Variants in MRPS18B observed in about 807,000 individuals in gnomAD.
The protein encoded by MRPS18B is small ribosomal subunit protein mS40.
A neutral mutation model predicts 28.4 loss-of-function variants in MRPS18B; 27 were observed. The observed-to-expected ratio is 0.95, with a 90% confidence interval of 0.70 to 1.31. MRPS18B has a LOEUF of 1.31. MRPS18B is among the 40% of genes most tolerant of loss of function. The pLI is 0.00. For missense variants in MRPS18B, 343 were observed against 335.9 expected, an observed-to-expected ratio of 1.02 and a Z score of -0.17; for synonymous variants, 118 against 123.7, an observed-to-expected ratio of 0.95 and a Z score of 0.30.
At chr6:30,624,773 TC>T (rs1761379549) in intron 5 of MRPS18B, 109 bp from the exon 6 acceptor site, 1 of 1,197,112 alleles carries the variant, frequency 8.4e-7, no homozygotes, top group African/African-American at 1.5e-5. Context: ...GGGAAAGGGG[TC>T]ATTAGGTAAA....
Position 30,619,978 on chromosome 6 carries a change from G to A in MRPS18B, c.343G>A (p.Val115Ile). ...CATCTGTCGAGATCACAAGTTGCATGTTGACTTTAGGGTAAGGAGAGTCTT... is the reference window on the plus strand; with the variant it reads ...CATCTGTCGAGATCACAAGTTGCATATTGACTTTAGGGTAAGGAGAGTCTT... Reference protein sequence around the residue: ...CPICRDHKLHVDFRNVKLLEQ... With the variant: ...CPICRDHKLHIDFRNVKLLEQ... Residue 115 changes from valine to isoleucine, a missense_variant, in exon 4 of 7, where the codon GTT becomes ATT. Physicochemically the swap from Val to Ile is conservative, Grantham distance 29 (BLOSUM62 3). Coordinates refer to ENST00000259873, the MANE Select transcript of MRPS18B (RefSeq NM_014046.4). The A allele has an allele frequency of 6.2e-7, 1 of 1,614,036 alleles. No individual in the cohort carries two copies. The highest frequency in any genetic ancestry group is 8.5e-7 in the Non-Finnish European group (1 of 1,179,888).
intron 1 of MRPS18B, among the ~76,000 whole-genome samples, chr6:30,618,242 TTAAC>T (rs991720839): frequency 2.0e-4 from 30 of 152,252 alleles, no homozygotes; most frequent in African/African-American, 5.8e-4. Context: ...TAAAAATTAT[TTAAC>T]TAATTAAGGG....
At chr6:30,621,801 G>C (rs1293937694) in intron 4 of MRPS18B, among the ~76,000 whole-genome samples, 1 of 152,132 alleles carries the variant, frequency 6.6e-6, no homozygotes, top group Non-Finnish European at 1.5e-5. Context: ...AAAAAAATTA[G>C]CTGGGTGTGA....
At chr6:30,619,687 C>T (rs1761015743) in intron 2 of MRPS18B, 22 bp from the exon 3 acceptor site, 4 of 1,612,756 alleles carry the variant, frequency 2.5e-6, no homozygotes, top group East Asian at 2.2e-5. Flanking sequence ...CCAGGAATAA[C>T]TTGTATGATC....
chr6:30,618,030 G>T, intron 1 of MRPS18B, 87 bp downstream of exon 1: 1 of 1,410,184 alleles, frequency 7.1e-7, no homozygotes, highest in Non-Finnish European at 1.0e-6. Context: ...TCCACGAGTG[G>T]AGACCTTCCC....
intron 1 of MRPS18B, among the ~76,000 whole-genome samples, chr6:30,618,303 C>G (rs1760879260): frequency 6.6e-6 from 1 of 152,138 alleles, no homozygotes; most frequent in Non-Finnish European, 1.5e-5. Context: ...AACATATGTA[C>G]TCCCCAAGCG....
In MRPS18B at chr6:30,626,027, A is replaced by G; in HGVS notation, c.*230A>G. On this transcript the variant is annotated 3_prime_UTR_variant, in exon 7 of 7. Coordinates refer to ENST00000259873, the MANE Select transcript of MRPS18B (RefSeq NM_014046.4). ...TAAGGTAGGATCACTTGATCCCAGG[A>G]GGCGGAGGTTGCAGTGAGTTGCAGT... The G allele has an allele frequency of 2.1e-6, 1 of 472,988 alleles. No homozygotes were observed. The highest frequency in any genetic ancestry group is 3.5e-5 in the South Asian group (1 of 28,584). The allele number at this position is 472,988 out of a possible 1,614,324, so 29.3% of individuals were successfully genotyped here.
At chr6:30,623,337 A>G (rs1761288444) in intron 5 of MRPS18B, among the ~76,000 whole-genome samples, 1 of 148,322 alleles carries the variant, frequency 6.7e-6, no homozygotes, top group Non-Finnish European at 1.5e-5. Context: ...CTCCATCTCA[A>G]AAAAAAAAAA....
At chr6:30,618,087 C>A (rs1007997380) in intron 1 of MRPS18B, 144 bp downstream of exon 1, 57 of 785,920 alleles carry the variant, frequency 7.3e-5, no homozygotes, top group Non-Finnish European at 9.6e-5. Flanking sequence ...ACCCCCCCCC[C>A]ACACCCCGCG....
At chr6:30,622,420 A>G (rs1761215611) in intron 4 of MRPS18B, among the ~76,000 whole-genome samples, 1 of 151,690 alleles carries the variant, frequency 6.6e-6, no homozygotes, top group African/African-American at 2.4e-5. Flanking sequence ...ATAATTAGCC[A>G]GGTGTGGTGG....
Position 30,626,320 on chromosome 6 carries a change from G to A in MRPS18B, c.*523G>A, listed in dbSNP as rs1761604043. 1 of 166,816 alleles carries A rather than the reference G, an allele frequency of 6.0e-6. No homozygotes were observed. Among genetic ancestry groups the A allele is most frequent in the Non-Finnish European group, 1.3e-5 (1 of 77,400 alleles). 10.3% of individuals were successfully genotyped at this position (166,816 alleles called of 1,614,324 possible). A position where few individuals can be genotyped will look rare whatever the true frequency, so the allele number is the denominator to read the frequency against. On this transcript the variant is annotated 3_prime_UTR_variant, in exon 7 of 7. Coordinates refer to ENST00000259873, the MANE Select transcript of MRPS18B (RefSeq NM_014046.4). Reference sequence around the variant, plus strand: ...CTATATATTGTAAATAGATGGGCTGGGCTAAACATTGTTGCCGTTTCATAC... The same window carrying A: ...CTATATATTGTAAATAGATGGGCTGAGCTAAACATTGTTGCCGTTTCATAC...
intron 1 of MRPS18B, among the ~76,000 whole-genome samples, chr6:30,619,137 C>T (rs577744096): frequency 1.3e-5 from 2 of 152,220 alleles, no homozygotes; most frequent in Admixed American, 1.3e-4. Context: ...AGGATGGTCT[C>T]GATGTCTTGA....
In MRPS18B at chr6:30,622,869, C is replaced by T. The variant is rs55637991; in HGVS notation, c.392C>T (p.Thr131Met). 3.2e-5 allele frequency: 51 copies of T among 1,612,962 alleles called. 2 individuals are homozygous for T. The highest frequency in any genetic ancestry group is 2.0e-4 in the African/African-American group (15 of 74,930). ...TTGGAGCAATTTGTCTGCGCCCACA[C>T]GGGTATCATCTTCTATGCTCCATAC... is the stretch of plus-strand genomic sequence containing the variant. ...KLLEQFVCAH[T>M]GIIFYAPYTG... The change falls in exon 5 of 7, where the codon ACG becomes ATG. Residue 131 changes from threonine to methionine, a missense_variant. Transcript: ENST00000259873.
At chr6:30,620,593 G>A (rs372476682) in intron 4 of MRPS18B, among the ~76,000 whole-genome samples, 10 of 150,122 alleles carry the variant, frequency 6.7e-5, no homozygotes, top group Non-Finnish European at 1.2e-4. Context: ...TTTTTGAGAC[G>A]GAGTCTTACT....
intron 5 of MRPS18B, among the ~76,000 whole-genome samples, 184 bp from the exon 6 acceptor site, chr6:30,624,699 C>G (rs577591735): frequency 6.6e-6 from 1 of 152,234 alleles, no homozygotes; most frequent in South Asian, 2.1e-4. Context: ...CCCAGCTCTC[C>G]AAAAGATGGG....
chr6:30,620,787 C>T (rs1353919860), intron 4 of MRPS18B, among the ~76,000 whole-genome samples: 1 of 151,886 alleles, frequency 6.6e-6, no homozygotes, highest in Non-Finnish European at 1.5e-5. Context: ...CCAGGCTGGT[C>T]TCAAACTCCT....
intron 4 of MRPS18B, among the ~76,000 whole-genome samples, chr6:30,622,152 C>T (rs961535657): frequency 6.6e-6 from 1 of 152,022 alleles, no homozygotes; most frequent in Non-Finnish European, 1.5e-5. Flanking sequence ...TTATATTCAG[C>T]ATACTATTAA....
Position 30,625,813 on chromosome 6 carries a change from AAG to A in MRPS18B, c.*21_*22del, listed in dbSNP as rs1761532542. On this transcript the variant is annotated 3_prime_UTR_variant, in exon 7 of 7. Coordinates refer to ENST00000259873, the MANE Select transcript of MRPS18B (RefSeq NM_014046.4). ...TGCTCTGTAGGAGCTGTAGACTGGG[AAG>A]AGAGGCCAGGCGTGGTGGCTCACTC... 1.3e-6 allele frequency: 2 copies of A among 1,592,002 alleles called. No homozygotes were observed. Among genetic ancestry groups the A allele is most frequent in the Non-Finnish European group, 1.7e-6 (2 of 1,164,202 alleles).
chr6:30,625,366 C>T, intron 6 of MRPS18B, 136 bp from the exon 7 acceptor site: 1 of 905,928 alleles, frequency 1.1e-6, no homozygotes, highest in South Asian at 1.7e-5. Context: ...GGCCGGTCAC[C>T]TGTTTGCAGT....
Sources: allele counts gnomAD v4.1 joint callset (sites outside exome capture counted in the v4.1 genomes callset), GRCh38; gene constraint gnomAD v4.1.1; transcripts MANE v1.5; gene names NCBI Gene and HGNC (gene_info 2026-07-23, HGNC 2026-07-21).